Variants in TBCD observed in about 807,000 individuals in gnomAD.
TBCD encodes the protein tubulin-specific chaperone D.
TBCD carries 105 observed loss-of-function variants against 169.3 expected under a neutral mutation model. That is an observed-to-expected ratio of 0.62 (90% CI 0.53 to 0.73). TBCD has a LOEUF of 0.73. Among genes scored for constraint, TBCD ranks in the 30% least tolerant of loss-of-function variants. The probability of loss-of-function intolerance (pLI) is 0.00; values close to 1 mark genes in which losing one functional copy is unlikely to be tolerated. For missense variants in TBCD, 1,444 were observed against 1,600.1 expected (o/e 0.90, Z 1.66); for synonymous variants, 700 against 643.9 (o/e 1.09, Z -1.32).
chr17:82,923,466 G>A lies in TBCD; in HGVS notation c.2179-186G>A, dbSNP rs897018378. Reference sequence around the variant, plus strand: ...AGGGTGACCTGCTGTGTCCTTGGCCGGGTGCTTCTCCAACCTCAGGGCGAC... The same window carrying A: ...AGGGTGACCTGCTGTGTCCTTGGCCAGGTGCTTCTCCAACCTCAGGGCGAC... On this transcript the variant is annotated intron_variant, in intron 25 of 38. Transcript: ENST00000355528. The surrounding 1 kb of genome is among the most constrained non-coding windows in gnomAD (Gnocchi z 4.6). Among the ~76,000 whole-genome samples the A allele has an allele frequency of 2.0e-5, 3 of 151,652 alleles. No homozygotes were observed. The highest frequency in any genetic ancestry group is 3.2e-3 in the Middle Eastern group (1 of 314).
chr17:82,823,104 C>T (rs555816790), intron 13 of TBCD, among the ~76,000 whole-genome samples: 53 of 152,330 alleles, frequency 3.5e-4, no homozygotes, highest in African/African-American at 1.2e-3. Context: ...ATGGTAAATT[C>T]CAGGAGAGCA....
At chr17:82,931,508 C>G (rs1403217787) in intron 33 of TBCD, among the ~76,000 whole-genome samples, 2 of 146,980 alleles carry the variant, frequency 1.4e-5, no homozygotes, top group African/African-American at 2.7e-5. Flanking sequence ...GTGCCGGTCG[C>G]TCATTCCGCC....
chr17:82,822,462 C>T (rs922140184), intron 13 of TBCD, among the ~76,000 whole-genome samples: 5 of 152,178 alleles, frequency 3.3e-5, no homozygotes, highest in Admixed American at 6.5e-5. Context: ...GACTCCTGAC[C>T]GCAGCATCTC....
At chr17:82,836,279 G>A (rs1259347107) in intron 13 of TBCD, among the ~76,000 whole-genome samples, 54 of 152,182 alleles carry the variant, frequency 3.5e-4, no homozygotes, top group Admixed American at 3.5e-3. Context: ...GCCTCGCCGC[G>A]CTCCCTGGTT....
rs1450259371 is a variant in TBCD at position 82,840,810 on chromosome 17, C to T, written c.1318+25876C>T. On this transcript the variant is annotated intron_variant, in intron 13 of 38. Coordinates refer to ENST00000355528, the MANE Select transcript of TBCD (RefSeq NM_005993.5). ...ATCGGAGGCCGCACCCCAGTTGTAG[C>T]GAAGGCTGGCATGTGGTGTCGGTTT... 3.9e-5 allele frequency among the ~76,000 whole-genome samples: 6 copies of T among 152,064 alleles called. No homozygotes were observed. In the South Asian group the frequency reaches 6.2e-4, roughly 16 times the overall value.
intron 23 of TBCD, chr17:82,913,501 C>T (rs561304538): frequency 6.6e-6 from 1 of 152,204 alleles, no homozygotes; most frequent in Admixed American, 6.5e-5. Flanking sequence ...TTTGGAGTCC[C>T]CGTGGCTGGC....
chr17:82,868,026 T>A (rs1185667447), intron 13 of TBCD, among the ~76,000 whole-genome samples: 1 of 152,130 alleles, frequency 6.6e-6, no homozygotes. Context: ...GTGCAGGGCC[T>A]TCCACAGTGA....
chr17:82,910,831 G>A (rs1056427124), intron 22 of TBCD, among the ~76,000 whole-genome samples: 1 of 152,216 alleles, frequency 6.6e-6, no homozygotes, highest in Non-Finnish European at 1.5e-5. Context: ...CTTCCACAGT[G>A]CTGGGATTAC....
intron 7 of TBCD, among the ~76,000 whole-genome samples, chr17:82,792,487 A>G (rs894619844): frequency 1.3e-5 from 2 of 152,242 alleles, no homozygotes; most frequent in African/African-American, 4.8e-5. Context: ...ATACACTGTC[A>G]TGAACAGATT....
intron 30 of TBCD, 62 bp from the exon 31 acceptor site, chr17:82,929,050 AG>A: frequency 6.4e-7 from 1 of 1,562,730 alleles, no homozygotes; most frequent in South Asian, 1.2e-5. Flanking sequence ...GCCTGTGCTC[AG>A]TTTACCGCCC....
At chr17:82,909,680 T>G (rs2060490694) in intron 22 of TBCD, among the ~76,000 whole-genome samples, 1 of 148,766 alleles carries the variant, frequency 6.7e-6, no homozygotes, top group Admixed American at 6.6e-5. Context: ...CTGACCTGGT[T>G]GTGTGATTGG....
intron 34 of TBCD, among the ~76,000 whole-genome samples, chr17:82,933,422 G>T (rs369599767): frequency 6.6e-6 from 1 of 151,694 alleles, no homozygotes; most frequent in Non-Finnish European, 1.5e-5. Context: ...TACGGCTAAT[G>T]TTTGTATTTT....
At chr17:82,886,079 G>T (rs1467511549) in intron 15 of TBCD, 1 of 152,304 alleles carries the variant, frequency 6.6e-6, no homozygotes, top group Non-Finnish European at 1.5e-5. Context: ...GCAGCAAAAG[G>T]CGTTGAAGTC....
intron 13 of TBCD, chr17:82,860,575 C>A: frequency 2.3e-6 from 1 of 440,810 alleles, no homozygotes; most frequent in Non-Finnish European, 3.0e-6. Flanking sequence ...GGAGGGCTGG[C>A]CACACTGGAA....
At chr17:82,799,558 G>A (rs533866085) in intron 8 of TBCD, among the ~76,000 whole-genome samples, 4 of 151,998 alleles carry the variant, frequency 2.6e-5, no homozygotes, top group East Asian at 1.9e-4. Context: ...AGAGAATGGC[G>A]TGCACGCCCC....
rs1362008756 is a variant in TBCD at position 82,807,606 on chromosome 17, A to G, written c.1088-2A>G. On this transcript the variant is annotated splice_acceptor_variant, in intron 10 of 38. Transcript: ENST00000355528. LOFTEE classifies it high-confidence loss of function. ...TCACGCATCACCTTCCTCTTCCTAC[A>G]GAGCAGCTGCTGGTCGGGCTGAAGG... 1 of 1,530,868 alleles carries G rather than the reference A, an allele frequency of 6.5e-7. No individual in the cohort carries two copies. Among genetic ancestry groups the G allele is most frequent in the Admixed American group, 2.1e-5 (1 of 48,534 alleles). 94.8% of individuals were successfully genotyped at this position (1,530,868 alleles called of 1,614,324 possible). A position where few individuals can be genotyped will look rare whatever the true frequency, so the allele number is the denominator to read the frequency against.
At chr17:82,762,133 G>A (rs762209929) in intron 2 of TBCD, among the ~76,000 whole-genome samples, 1 of 151,232 alleles carries the variant, frequency 6.6e-6, no homozygotes, top group Admixed American at 6.6e-5. Flanking sequence ...TGGCTAACAC[G>A]GTGAAACCCC....
At chr17:82,855,055 C>T (rs1338031353) in intron 13 of TBCD, among the ~76,000 whole-genome samples, 4 of 152,026 alleles carry the variant, frequency 2.6e-5, no homozygotes, top group South Asian at 4.2e-4. Flanking sequence ...GGCCTTCCTC[C>T]CTGTGGCCTT....
intron 19 of TBCD, among the ~76,000 whole-genome samples, chr17:82,905,089 G>C (rs11651826): frequency 2.6e-5 from 4 of 152,168 alleles, no homozygotes; most frequent in Non-Finnish European, 5.9e-5. Flanking sequence ...CTCCCTCTGC[G>C]TCCGTGAGGG....
Sources: allele counts gnomAD v4.1 joint callset (sites outside exome capture counted in the v4.1 genomes callset), GRCh38; gene constraint gnomAD v4.1.1; non-coding constraint Gnocchi (gnomAD v3.1); transcripts MANE v1.5; gene names NCBI Gene and HGNC (gene_info 2026-07-23, HGNC 2026-07-21).